The following NEMF variants were observed in gnomAD, a reference collection of about 807,000 sequenced individuals.
NEMF encodes the protein nuclear export mediator factor.
In NEMF, 89 loss-of-function variants were observed where a neutral mutation model predicts 162.2. The ratio of observed to expected loss-of-function variants is 0.55; its 90% CI spans 0.46 to 0.65. The LOEUF is 0.65. Ranked by LOEUF, NEMF falls within the 30% of genes least tolerant of loss-of-function variation. NEMF has a pLI of 0.00. For missense variants in NEMF, 1,133 were observed against 1,261.9 expected, an observed-to-expected ratio of 0.90 and a Z score of 1.55; for synonymous variants, 421 against 404.5, an observed-to-expected ratio of 1.04 and a Z score of -0.49.
intron 18 of NEMF, among the ~76,000 whole-genome samples, chr14:49,807,197 G>A (rs1891255273): frequency 6.6e-6 from 1 of 152,180 alleles, no homozygotes; most frequent in Non-Finnish European, 1.5e-5. Context: ...ATTCATCCAT[G>A]TTAAAAGCAC....
In NEMF at chr14:49,800,681, C is replaced by G; in HGVS notation, c.2111G>C (p.Ser704Thr). ...EMEQLDGGDT[S>T]SDEDKEEHET... ...ATGTTCTTCTTTATCCTCATCACTGCTCGTGTCACCTCCATCTGTAGAATT... is the reference window on the plus strand; with the variant it reads ...ATGTTCTTCTTTATCCTCATCACTGGTCGTGTCACCTCCATCTGTAGAATT... Residue 704 changes from serine to threonine, a missense_variant, in exon 23 of 33, where the codon AGC becomes ACC. This residue lies in a region of NEMF where 532 missense variants were observed against 578.6 expected (regional missense o/e 0.92). Coordinates refer to ENST00000298310, the MANE Select transcript of NEMF (RefSeq NM_004713.6). 1 of 1,613,256 alleles carries G rather than the reference C, an allele frequency of 6.2e-7. No individual in the cohort carries two copies. The highest frequency in any genetic ancestry group is 8.5e-7 in the Non-Finnish European group (1 of 1,179,704).
At chr14:49,837,211 G>C (rs1594795229) in intron 6 of NEMF, among the ~76,000 whole-genome samples, 1 of 152,202 alleles carries the variant, frequency 6.6e-6, no homozygotes, top group Admixed American at 6.5e-5. Context: ...GGGAGGCAGA[G>C]GTTGCAGTGA....
At chr14:49,802,797 A>C (rs1250110400) in intron 20 of NEMF, 70 bp from the exon 21 acceptor site, 1 of 1,146,568 alleles carries the variant, frequency 8.7e-7, no homozygotes, top group Non-Finnish European at 1.3e-6. Context: ...AAAACAAAAA[A>C]AAATTAGTGT....
In NEMF at chr14:49,844,321, A is replaced by T. The variant is rs553244619; in HGVS notation, c.357+1819T>A. 1.1e-4 allele frequency among the ~76,000 whole-genome samples: 16 copies of T among 152,300 alleles called. No individual in the cohort carries two copies. In the East Asian group the frequency reaches 2.5e-3, roughly 24 times the overall value. ...AGTTCACAATAGGGTTCACGCTCCT[A>T]TAAGAATCTAATGCCACCACTGATC... On this transcript the variant is annotated intron_variant, in intron 4 of 32. Coordinates refer to ENST00000298310, the MANE Select transcript of NEMF (RefSeq NM_004713.6).
At chr14:49,795,217 G>A (rs968235569) in intron 26 of NEMF, among the ~76,000 whole-genome samples, 9 of 152,002 alleles carry the variant, frequency 5.9e-5, no homozygotes, top group South Asian at 2.1e-4. Context: ...GCACCTGTGC[G>A]GTCCCAGCTA....
chr14:49,795,479 T>C (rs1890651355), intron 26 of NEMF, among the ~76,000 whole-genome samples: 1 of 152,196 alleles, frequency 6.6e-6, no homozygotes. Flanking sequence ...ATCTAAAAAT[T>C]ACTGAGCTAA....
chr14:49,844,826 T>C (rs1480500704), intron 4 of NEMF: 3 of 424,234 alleles, frequency 7.1e-6, no homozygotes, highest in Admixed American at 2.5e-5. Context: ...TGGAGTACAA[T>C]GGCATGATCT....
At chr14:49,801,596 A>G (rs923924422) in intron 22 of NEMF, 1 of 152,230 alleles carries the variant, frequency 6.6e-6, no homozygotes, top group Non-Finnish European at 1.5e-5. Context: ...ATAGTAAATG[A>G]AACAATGCAA....
Position 49,789,284 on chromosome 14 carries a change from GT to G in NEMF, c.2756del (p.Asp919AlafsTer4). 6.2e-7 allele frequency: 1 copy of G among 1,614,104 alleles called. No individual in the cohort carries two copies. Among genetic ancestry groups the G allele is most frequent in the South Asian group, 1.1e-5 (1 of 91,076 alleles). The part of the protein sequence containing the change: ...GKKGKKGKTK[D>X]EPVKKQPQKP... ...TCTGGGGCTGTTTCTTCACAGGTTC[GT>G]CCTTTGTTTTTCCTTTCTTCCCCTT... On this transcript the variant is annotated frameshift_variant, in exon 28 of 33. Coordinates refer to ENST00000298310, the MANE Select transcript of NEMF (RefSeq NM_004713.6). LOFTEE classifies it high-confidence loss of function.
chr14:49,820,627 CCCTCTCT>C (rs1261657892), intron 16 of NEMF, among the ~76,000 whole-genome samples: 1 of 151,994 alleles, frequency 6.6e-6, no homozygotes, highest in African/African-American at 2.4e-5. Flanking sequence ...ATCCCCTCTC[CCCTCTCT>C]CCTCCCCCTT....
At chr14:49,849,339 A>G (rs1176468309) in intron 3 of NEMF, among the ~76,000 whole-genome samples, 1 of 152,250 alleles carries the variant, frequency 6.6e-6, no homozygotes, top group Non-Finnish European at 1.5e-5. Flanking sequence ...AGATGGACAC[A>G]TAGTACATAT....
chr14:49,811,539 C>T (rs984474507), intron 18 of NEMF, among the ~76,000 whole-genome samples: 1 of 152,056 alleles, frequency 6.6e-6, no homozygotes, highest in South Asian at 2.1e-4. Flanking sequence ...GAGGAAGGTA[C>T]CCAATCTTTC....
intron 5 of NEMF, chr14:49,839,634 G>A (rs1458350259): frequency 6.6e-6 from 1 of 152,142 alleles, no homozygotes; most frequent in Non-Finnish European, 1.5e-5. Flanking sequence ...ATATCCATCT[G>A]TCTTCTCACA....
chr14:49,817,478 G>A (rs1891773059), intron 16 of NEMF, among the ~76,000 whole-genome samples: 1 of 152,026 alleles, frequency 6.6e-6, no homozygotes, highest in East Asian at 1.9e-4. Context: ...GATATACCAT[G>A]TAAACACTAA....
intron 16 of NEMF, chr14:49,818,403 TAAG>T (rs1407811623): frequency 6.6e-6 from 1 of 152,144 alleles, no homozygotes; most frequent in Non-Finnish European, 1.5e-5. Context: ...TGATCAGACT[TAAG>T]AAGCTGAATC....
At chr14:49,821,888 G>T (rs972988070) in intron 16 of NEMF, among the ~76,000 whole-genome samples, 2 of 152,122 alleles carry the variant, frequency 1.3e-5, no homozygotes, top group East Asian at 1.9e-4. Flanking sequence ...GTGGGGAAAA[G>T]ATTGAGAAAT....
At chr14:49,846,022 A>G in intron 4 of NEMF, 118 bp downstream of exon 4, 1 of 750,150 alleles carries the variant, frequency 1.3e-6, no homozygotes, top group Non-Finnish European at 2.1e-6. Flanking sequence ...CCCATTTCCT[A>G]GGGTAGTAAC....
intron 18 of NEMF, among the ~76,000 whole-genome samples, chr14:49,812,571 C>A (rs1411672988): frequency 6.6e-6 from 1 of 152,144 alleles, no homozygotes; most frequent in African/African-American, 2.4e-5. Context: ...GCTCTTCTTG[C>A]ATCTCATAAG....
In NEMF at chr14:49,783,031, A is replaced by AATT. The variant is rs1889985449; in HGVS notation, c.*1602_*1604dup. The stretch of plus-strand genomic sequence containing the variant: ...CATCACAGAGTGGCATCATTTGTAT[A>AATT]ATTATATGCATTGTTGTAGTTTGCA... On this transcript the variant is annotated 3_prime_UTR_variant, in exon 33 of 33. Transcript: ENST00000298310. 1 of 1,451,724 alleles carries AATT rather than the reference A, an allele frequency of 6.9e-7. No individual in the cohort carries two copies. Among genetic ancestry groups the AATT allele is most frequent in the African/African-American group, 1.4e-5 (1 of 70,900 alleles). The allele number at this position is 1,451,724 out of a possible 1,614,324, so 89.9% of individuals were successfully genotyped here. A position where few individuals can be genotyped will look rare whatever the true frequency, so the allele number is the denominator to read the frequency against.
Sources: allele counts gnomAD v4.1 joint callset (sites outside exome capture counted in the v4.1 genomes callset), GRCh38; gene constraint gnomAD v4.1.1; regional missense constraint gnomAD v4.1.1; transcripts MANE v1.5; gene names NCBI Gene and HGNC (gene_info 2026-07-23, HGNC 2026-07-21).